CALCRL: variants seen among roughly 807,000 people sequenced by gnomAD.
CALCRL encodes the protein calcitonin receptor like receptor, also known as calcitonin gene-related peptide type 1 receptor.
In CALCRL, 27 loss-of-function variants were observed where a neutral mutation model predicts 60.4. The ratio of observed to expected loss-of-function variants is 0.45; its 90% confidence interval spans 0.33 to 0.62. The LOEUF (loss-of-function observed/expected upper bound fraction) is 0.62. CALCRL is among the 20% of genes least tolerant of loss of function. CALCRL has a pLI of 0.03. For synonymous variants in CALCRL, 190 were observed against 182.6 expected (o/e 1.04, Z -0.33); for missense variants, 424 against 540.7 (o/e 0.78, Z 2.14).
chr2:187,445,876 T>C (rs1363089215), intron 1 of CALCRL, among the ~76,000 whole-genome samples: 1 of 151,584 alleles, frequency 6.6e-6, no homozygotes, highest in African/African-American at 2.4e-5. Context: ...CCCATTCATT[T>C]AAAATAATTT....
intron 1 of CALCRL, among the ~76,000 whole-genome samples, chr2:187,412,901 A>T (rs1689426029): frequency 6.6e-6 from 1 of 152,216 alleles, no homozygotes; most frequent in Admixed American, 6.5e-5. Context: ...TGGTCCTATT[A>T]TAGTTACTAT....
At chr2:187,389,059 A>T (rs1331118197) in intron 1 of CALCRL, among the ~76,000 whole-genome samples, 6 of 133,152 alleles carry the variant, frequency 4.5e-5, no homozygotes, top group Admixed American at 1.8e-4. Context: ...TTTCTCTATT[A>T]CTTCTTCTTC....
In CALCRL at chr2:187,368,841, T is replaced by C. The variant is rs891094711; in HGVS notation, c.501-5339A>G. On this transcript the variant is annotated intron_variant, in intron 8 of 14. Coordinates refer to ENST00000392370, the MANE Select transcript of CALCRL (RefSeq NM_005795.6). Reference sequence around the variant, plus strand: ...ATCCAAAAGGAAAGCCCTGTCAATCTGAACACTGCCACAAACCATAGGCAG... The same window carrying C: ...ATCCAAAAGGAAAGCCCTGTCAATCCGAACACTGCCACAAACCATAGGCAG... Among the ~76,000 whole-genome samples the C allele has an allele frequency of 2.6e-5, 4 of 152,270 alleles. No homozygotes were observed. In the East Asian group the frequency reaches 7.7e-4, roughly 29 times the overall value.
At chr2:187,372,675 G>A in intron 8 of CALCRL, among the ~76,000 whole-genome samples, 1 of 152,072 alleles carries the variant, frequency 6.6e-6, no homozygotes, top group East Asian at 1.9e-4. Flanking sequence ...AATTACCAAA[G>A]AAGAGGAAAA....
intron 1 of CALCRL, among the ~76,000 whole-genome samples, chr2:187,419,023 ATTTT>A (rs33929530): frequency 8.1e-5 from 7 of 85,996 alleles, no homozygotes; most frequent in East Asian, 6.4e-4. Flanking sequence ...CGTCTGGCTA[ATTTT>A]TTTTTTTTTT....
In CALCRL at chr2:187,345,400, TC is replaced by T. The variant is rs1686233385; in HGVS notation, c.*783del. 6.6e-6 allele frequency: 1 copy of T among 152,218 alleles called. No individual in the cohort carries two copies. Among genetic ancestry groups the T allele is most frequent in the Non-Finnish European group, 1.5e-5 (1 of 67,822 alleles). 9.4% of individuals were successfully genotyped at this position (152,218 alleles called of 1,614,324 possible). A position where few individuals can be genotyped will look rare whatever the true frequency, so the allele number is the denominator to read the frequency against. On this transcript the variant is annotated 3_prime_UTR_variant, in exon 15 of 15. Coordinates refer to ENST00000392370, the MANE Select transcript of CALCRL (RefSeq NM_005795.6). The stretch of plus-strand genomic sequence containing the variant: ...AAAATTTATATTTACAGCTAGGAAT[TC>T]CCTCCCACTGTTTGGTAAGACAGGA...
intron 8 of CALCRL, 133 bp from the exon 9 acceptor site, chr2:187,363,635 C>T: frequency 1.1e-6 from 1 of 909,424 alleles, no homozygotes; most frequent in African/African-American, 1.7e-5. Context: ...CCCTAAGATC[C>T]ACTCATTACA....
intron 1 of CALCRL, among the ~76,000 whole-genome samples, chr2:187,422,636 A>G (rs899848484): frequency 6.6e-6 from 1 of 152,098 alleles, no homozygotes; most frequent in Non-Finnish European, 1.5e-5. Flanking sequence ...AGTTCAACAC[A>G]TAAGAAAATG....
intron 1 of CALCRL, among the ~76,000 whole-genome samples, chr2:187,442,721 C>T (rs542047446): frequency 3.0e-4 from 45 of 151,850 alleles, no homozygotes; most frequent in Non-Finnish European, 5.8e-4. Flanking sequence ...TAAAATTTTC[C>T]GACAGATGTC....
chr2:187,413,618 A>G (rs915150195), intron 1 of CALCRL, among the ~76,000 whole-genome samples: 3 of 152,052 alleles, frequency 2.0e-5, no homozygotes, highest in Non-Finnish European at 2.9e-5. Context: ...TTATAGAAAA[A>G]CTCTGCAAAG....
chr2:187,374,801 C>G (rs774279199), intron 8 of CALCRL, among the ~76,000 whole-genome samples: 3 of 151,996 alleles, frequency 2.0e-5, no homozygotes, highest in Non-Finnish European at 4.4e-5. Context: ...ATGCCAGGTA[C>G]TATATGAGTC....
At chr2:187,360,885 G>T in intron 9 of CALCRL, 134 bp from the exon 10 acceptor site, 1 of 710,876 alleles carries the variant, frequency 1.4e-6, no homozygotes, top group Non-Finnish European at 2.1e-6. Context: ...ATTAGGATTT[G>T]TGGAATGCCA....
chr2:187,435,627 T>C (rs1690603123), intron 1 of CALCRL, among the ~76,000 whole-genome samples: 1 of 152,202 alleles, frequency 6.6e-6, no homozygotes, highest in Non-Finnish European at 1.5e-5. Flanking sequence ...TCCTAAGGAA[T>C]GATGTATTTG....
intron 1 of CALCRL, among the ~76,000 whole-genome samples, chr2:187,392,200 A>T (rs1011000026): frequency 3.9e-5 from 6 of 152,134 alleles, no homozygotes; most frequent in Non-Finnish European, 8.8e-5. Flanking sequence ...CCTAATATTG[A>T]AAGTGTATGT....
chr2:187,368,373 A>G (rs112946786), intron 8 of CALCRL, among the ~76,000 whole-genome samples: 136 of 152,236 alleles, frequency 8.9e-4, no homozygotes, highest in African/African-American at 2.9e-3. Flanking sequence ...GTATGTTTTA[A>G]GTAACTCAAT....
At chr2:187,430,650 A>G (rs926293588) in intron 1 of CALCRL, among the ~76,000 whole-genome samples, 5 of 152,108 alleles carry the variant, frequency 3.3e-5, no homozygotes, top group African/African-American at 1.2e-4. Flanking sequence ...TGAAAATGAG[A>G]CTCTCAGAGT....
intron 1 of CALCRL, among the ~76,000 whole-genome samples, chr2:187,437,489 A>C (rs78357827): frequency 0.023 from 3,524 of 152,240 alleles, 68 homozygotes; most frequent in Non-Finnish European, 0.035. Flanking sequence ...ACATTATTTC[A>C]TCAAGCCTAT....
chr2:187,367,767 C>T (rs903936363), intron 8 of CALCRL, among the ~76,000 whole-genome samples: 2 of 151,938 alleles, frequency 1.3e-5, no homozygotes, highest in Non-Finnish European at 2.9e-5. Context: ...CCTTTCTATC[C>T]CCGCATAACC....
chr2:187,347,348 G>C (rs903172375), intron 14 of CALCRL, among the ~76,000 whole-genome samples: 4 of 151,742 alleles, frequency 2.6e-5, no homozygotes, highest in African/African-American at 7.3e-5. Flanking sequence ...CTTGTGACCC[G>C]ATCTATATCT....
Sources: gnomAD v4.1 joint callset for allele counts (sites outside exome capture counted in the v4.1 genomes callset) on GRCh38, gnomAD v4.1.1 for gene constraint, MANE v1.5 for transcripts, NCBI Gene and HGNC (gene_info 2026-07-23, HGNC 2026-07-21) for gene names.